Variants in STAT4 observed in about 807,000 individuals in gnomAD.
The protein encoded by STAT4 is signal transducer and activator of transcription 4.
In STAT4, 42 loss-of-function variants were observed where a neutral mutation model predicts 110.5. The observed-to-expected ratio is 0.38, with a 90% CI of 0.30 to 0.49. The LOEUF (loss-of-function observed/expected upper bound fraction) is 0.49. STAT4 is among the 20% of genes least tolerant of loss of function. The probability of loss-of-function intolerance (pLI) is 0.95; values close to 1 mark genes in which losing one functional copy is unlikely to be tolerated. For synonymous variants in STAT4, 284 were observed against 302.2 expected (o/e 0.94, Z 0.63); for missense variants, 632 against 887.9 (o/e 0.71, Z 3.66).
chr2:191,073,006 G>T, intron 5 of STAT4, 92 bp downstream of exon 5: 1 of 949,608 alleles, frequency 1.1e-6, no homozygotes, highest in Non-Finnish European at 1.6e-6. Flanking sequence ...TATGATTTCT[G>T]TATACATTAA....
At chr2:191,139,259 A>C (rs1699258950) in intron 3 of STAT4, among the ~76,000 whole-genome samples, 2 of 152,060 alleles carry the variant, frequency 1.3e-5, no homozygotes, top group South Asian at 2.1e-4. Flanking sequence ...AGCAATCGAC[A>C]AGAGAAAGAA....
In STAT4 at chr2:191,043,114, A is replaced by G. The variant is rs141688703; in HGVS notation, c.1252-1966T>C. Among the ~76,000 whole-genome samples, 314 of 152,370 alleles carry G rather than the reference A, an allele frequency of 2.1e-3. 1 individual carries two copies. The highest frequency in any genetic ancestry group is 6.8e-3 in the Middle Eastern group (2 of 294). ...TTCCTGTATATATTTGAAAATGCAC[A>G]TTAAAACACTTTTTAAAAACTATAT... On this transcript the variant is annotated intron_variant, in intron 14 of 23. Transcript: ENST00000392320. The surrounding 1 kb of genome is among the most constrained non-coding windows in gnomAD (Gnocchi z 4.8).
chr2:191,146,534 T>A lies in STAT4; in HGVS notation c.273+79A>T. 2.4e-6 allele frequency: 3 copies of A among 1,225,868 alleles called. No individual in the cohort carries two copies. Among genetic ancestry groups the A allele is most frequent in the Non-Finnish European group, 3.1e-6 (3 of 952,644 alleles). 75.9% of individuals were successfully genotyped at this position (1,225,868 alleles called of 1,614,324 possible). On this transcript the variant is annotated intron_variant, in intron 3 of 23. Transcript: ENST00000392320. This position sits in a 1 kb window ranked among gnomAD's most constrained non-coding sequence, Gnocchi z 4.5. ...CCCTAAATTTCATTTGAAAATAATA[T>A]AAGGGTACATATTTAATTTTTAACT...
chr2:191,100,216 A>G (rs1190420108), intron 3 of STAT4, among the ~76,000 whole-genome samples: 1 of 152,220 alleles, frequency 6.6e-6, no homozygotes, highest in Non-Finnish European at 1.5e-5. Flanking sequence ...GTGTCCCTGT[A>G]CATTTTCCAT....
Position 191,039,737 on chromosome 2 carries a change from C to T in STAT4, c.1336-440G>A, listed in dbSNP as rs927529954. On this transcript the variant is annotated intron_variant, in intron 15 of 23. Coordinates refer to ENST00000392320, the MANE Select transcript of STAT4 (RefSeq NM_003151.4). This position sits in a 1 kb window ranked among gnomAD's most constrained non-coding sequence, Gnocchi z 4.7. ...ACCTAACACCTAATTAACATAAACA[C>T]TGGAAGTGGGAGGTTTCTATTGTAA... 6.6e-6 allele frequency among the ~76,000 whole-genome samples: 1 copy of T among 152,188 alleles called. No homozygotes were observed.
chr2:191,039,149 T>G lies in STAT4; in HGVS notation c.1434+50A>C. 1 of 1,542,548 alleles carries G rather than the reference T, an allele frequency of 6.5e-7. No individual in the cohort carries two copies. Among genetic ancestry groups the G allele is most frequent in the Non-Finnish European group, 9.0e-7 (1 of 1,114,866 alleles). On this transcript the variant is annotated intron_variant, in intron 16 of 23. Coordinates refer to ENST00000392320, the MANE Select transcript of STAT4 (RefSeq NM_003151.4). The surrounding 1 kb of genome is among the most constrained non-coding windows in gnomAD (Gnocchi z 4.7). ...TTGATGCAGATGTGTTTGTTGGCAATAAAACAAATCGAATAGCATTAAAGA... is the reference window on the plus strand; with the variant it reads ...TTGATGCAGATGTGTTTGTTGGCAAGAAAACAAATCGAATAGCATTAAAGA...
intron 1 of STAT4, 102 bp from the exon 2 acceptor site, chr2:191,148,306 C>A: frequency 7.2e-7 from 1 of 1,387,112 alleles, no homozygotes. Context: ...GACTGAATTC[C>A]AATATATCCA....
chr2:191,049,319 CA>C (rs1370094402), intron 14 of STAT4, among the ~76,000 whole-genome samples: 7 of 151,996 alleles, frequency 4.6e-5, no homozygotes, highest in East Asian at 3.9e-4. Flanking sequence ...GGACTACAGG[CA>C]ACCCGCCACC....
chr2:191,039,167 A>G lies in STAT4; in HGVS notation c.1434+32T>C. ...TTGGCAATAAAACAAATCGAATAGC[A>G]TTAAAGAAGTTGAGGTAGAAATAGA... On this transcript the variant is annotated intron_variant, in intron 16 of 23. Transcript: ENST00000392320. The surrounding 1 kb of genome is among the most constrained non-coding windows in gnomAD (Gnocchi z 4.7). The G allele has an allele frequency of 6.3e-7, 1 of 1,588,594 alleles. No homozygotes were observed. The highest frequency in any genetic ancestry group is 8.6e-7 in the Non-Finnish European group (1 of 1,156,692).
At chr2:191,122,741 A>G (rs1298165624) in intron 3 of STAT4, among the ~76,000 whole-genome samples, 1 of 152,248 alleles carries the variant, frequency 6.6e-6, no homozygotes, top group Non-Finnish European at 1.5e-5. Flanking sequence ...ACACAGAGTG[A>G]AAAAAGTCTA....
Position 191,146,150 on chromosome 2 carries a change from G to A in STAT4, c.273+463C>T, listed in dbSNP as rs1406251276. 6.6e-6 allele frequency among the ~76,000 whole-genome samples: 1 copy of A among 152,202 alleles called. No homozygotes were observed. Among genetic ancestry groups the A allele is most frequent in the East Asian group, 1.9e-4 (1 of 5,202 alleles). On this transcript the variant is annotated intron_variant, in intron 3 of 23. Transcript: ENST00000392320. The surrounding 1 kb of genome is among the most constrained non-coding windows in gnomAD (Gnocchi z 4.5). ...ACACAGAGATGGGCTCTGCCTGGGT[G>A]AACCAGAGAGTACCAAAGAACACTT...
intron 3 of STAT4, among the ~76,000 whole-genome samples, chr2:191,098,994 A>G (rs1174422571): frequency 6.6e-6 from 1 of 151,740 alleles, no homozygotes; most frequent in Non-Finnish European, 1.5e-5. Context: ...CTTTTAAGTA[A>G]TATTTTTAAT....
chr2:191,057,148 C>G (rs11893432), intron 13 of STAT4, among the ~76,000 whole-genome samples: 33,155 of 152,084 alleles, frequency 0.22, 4,220 homozygotes, highest in East Asian at 0.46. Context: ...ATCCATTAAC[C>G]AACTTTCTCT....
At chr2:191,118,792 T>C (rs1698638625) in intron 3 of STAT4, among the ~76,000 whole-genome samples, 1 of 152,198 alleles carries the variant, frequency 6.6e-6, no homozygotes, top group Non-Finnish European at 1.5e-5. Flanking sequence ...GGGGTCTCAC[T>C]CTGTAGACCA....
rs2125268868 is a variant in STAT4, at chr2:191,076,305, T to G, written c.294A>C (p.Pro98=). 1 of 1,601,784 alleles carries G rather than the reference T, an allele frequency of 6.2e-7. No homozygotes were observed. Among genetic ancestry groups the G allele is most frequent in the Non-Finnish European group, 8.5e-7 (1 of 1,176,054 alleles). The change falls in exon 4 of 24, where the codon CCA becomes CCC. Residue 98 remains proline (P), a synonymous_variant. Transcript: ENST00000392320. The part of the protein sequence containing the change: ...KVLQGKFHGN[P]MHVAVVISNC... ...TTGAAATAACCACAGCTACATGCAT[T>G]GGATTTCCATGAAATTTTCCCTGAA...
intron 6 of STAT4, among the ~76,000 whole-genome samples, chr2:191,069,176 GTATT>G (rs147356005): frequency 0.014 from 2,067 of 151,978 alleles, 44 homozygotes; most frequent in African/African-American, 0.047. Context: ...TATTTTGACA[GTATT>G]TATCTGTAGA....
At position 191,053,005 on chromosome 2, in the gene STAT4, G is replaced by A. The variant is rs932888300; in HGVS notation, c.1251+1485C>T. ...AGCTCATCTTTGGTGAGGCTATGAT[G>A]TTTGGCAAATGATCTTTAAGACACA... On this transcript the variant is annotated intron_variant, in intron 14 of 23. Transcript: ENST00000392320. The surrounding 1 kb of genome is among the most constrained non-coding windows in gnomAD (Gnocchi z 4.5). 1.3e-5 allele frequency among the ~76,000 whole-genome samples: 2 copies of A among 152,178 alleles called. No homozygotes were observed. Among genetic ancestry groups the A allele is most frequent in the Non-Finnish European group, 2.9e-5 (2 of 68,022 alleles).
At position 191,060,699 on chromosome 2, in the gene STAT4, G is replaced by A. The variant is rs560278871; in HGVS notation, c.1034+1030C>T. Among the ~76,000 whole-genome samples, 1 of 152,308 alleles carries A rather than the reference G, an allele frequency of 6.6e-6. No individual in the cohort carries two copies. Among genetic ancestry groups the A allele is most frequent in the African/African-American group, 2.4e-5 (1 of 41,570 alleles). On this transcript the variant is annotated intron_variant, in intron 10 of 23. Transcript: ENST00000392320. This position sits in a 1 kb window ranked among gnomAD's most constrained non-coding sequence, Gnocchi z 4.5. ...CTCCCAAAGTGCTGGGATTATAGGC[G>A]TGAGCCACCATGCCTGGCCAACAGT...
At chr2:191,057,502 A>C (rs1469862252) in intron 13 of STAT4, among the ~76,000 whole-genome samples, 4 of 151,764 alleles carry the variant, frequency 2.6e-5, no homozygotes, top group African/African-American at 4.8e-5. Context: ...TTCTGAGTCA[A>C]GGTTCAGTGC....
Sources: gnomAD v4.1 joint callset for allele counts (sites outside exome capture counted in the v4.1 genomes callset) on GRCh38, gnomAD v4.1.1 for gene constraint, Gnocchi (gnomAD v3.1) non-coding constraint, MANE v1.5 for transcripts, NCBI Gene and HGNC (gene_info 2026-07-23, HGNC 2026-07-21) for gene names.